ALK: variants seen among roughly 807,000 people sequenced by gnomAD.
The protein encoded by ALK is ALK tyrosine kinase receptor.
ALK carries 74 observed loss-of-function variants against 163.1 expected under a neutral mutation model. That is an observed-to-expected ratio of 0.45 (90% confidence interval 0.38 to 0.55). ALK has a LOEUF of 0.55. ALK is among the 20% of genes least tolerant of loss of function. The probability of loss-of-function intolerance (pLI) is 0.00; values close to 1 mark genes in which losing one functional copy is unlikely to be tolerated. For missense variants in ALK, 2,063 were observed against 2,105.3 expected, an observed-to-expected ratio of 0.98 and a Z score of 0.39; for synonymous variants, 960 against 843.2, an observed-to-expected ratio of 1.14 and a Z score of -2.40.
intron 3 of ALK, among the ~76,000 whole-genome samples, chr2:29,575,287 C>A (rs977778725): frequency 6.6e-6 from 1 of 152,126 alleles, no homozygotes; most frequent in South Asian, 2.1e-4. Flanking sequence ...TTGCTTCTTG[C>A]GAGATTCCAT....
chr2:29,497,021 A>G (rs762652117), intron 4 of ALK, among the ~76,000 whole-genome samples: 10 of 152,230 alleles, frequency 6.6e-5, no homozygotes, highest in Non-Finnish European at 1.3e-4. Flanking sequence ...CTGTAATCCC[A>G]GCACTTTGGG....
intron 4 of ALK, among the ~76,000 whole-genome samples, chr2:29,416,863 T>G (rs1464496706): frequency 6.6e-6 from 1 of 152,092 alleles, no homozygotes; most frequent in Non-Finnish European, 1.5e-5. Context: ...AGACAAAAGC[T>G]TCTTATGTAT....
intron 3 of ALK, among the ~76,000 whole-genome samples, chr2:29,554,777 T>C (rs1673803491): frequency 6.6e-6 from 1 of 152,088 alleles, no homozygotes; most frequent in South Asian, 2.1e-4. Context: ...CAGGATGAGA[T>C]AGGAGGTCAG....
chr2:29,577,831 T>C (rs1333860069), intron 3 of ALK, among the ~76,000 whole-genome samples: 6 of 152,248 alleles, frequency 3.9e-5, no homozygotes, highest in South Asian at 2.1e-4. Context: ...ATGGACACTA[T>C]AAGCCAATTC....
chr2:29,448,123 T>A (rs1231454860), intron 4 of ALK, among the ~76,000 whole-genome samples: 1 of 152,212 alleles, frequency 6.6e-6, no homozygotes, highest in African/African-American at 2.4e-5. Context: ...AGCTATACCA[T>A]ACTGACTTTT....
Position 29,477,916 on chromosome 2 carries a change from G to A in ALK, c.1154+53999C>T, listed in dbSNP as rs1671566031. Among the ~76,000 whole-genome samples the A allele has an allele frequency of 2.0e-5, 3 of 152,212 alleles. No individual in the cohort carries two copies. The South Asian group carries it at 6.2e-4, about 32-fold the overall frequency. On this transcript the variant is annotated intron_variant, in intron 4 of 28. Transcript: ENST00000389048. Reference sequence around the variant, plus strand: ...TGGAGGTGCTGTGTAGGAGCCTATAGGCGAAGCAAGGAAGGCACTTCTGCC... The same window carrying A: ...TGGAGGTGCTGTGTAGGAGCCTATAAGCGAAGCAAGGAAGGCACTTCTGCC...
At chr2:29,840,032 C>A (rs184619451) in intron 1 of ALK, among the ~76,000 whole-genome samples, 1 of 152,308 alleles carries the variant, frequency 6.6e-6, no homozygotes, top group East Asian at 1.9e-4. Context: ...AGCTAGTCTA[C>A]TTAGCAAATC....
At chr2:29,720,396 A>G (rs1448602768) in intron 1 of ALK, among the ~76,000 whole-genome samples, 1 of 152,142 alleles carries the variant, frequency 6.6e-6, no homozygotes, top group Non-Finnish European at 1.5e-5. Context: ...AAAAAAGCAG[A>G]AAGTCTTAAC....
intron 9 of ALK, among the ~76,000 whole-genome samples, chr2:29,276,862 T>C (rs1665560829): frequency 6.6e-6 from 1 of 152,116 alleles, no homozygotes; most frequent in Admixed American, 6.5e-5. Context: ...GACTAGCACC[T>C]AGGCTTTTTT....
At chr2:29,747,857 C>G (rs568293545) in intron 1 of ALK, among the ~76,000 whole-genome samples, 14 of 152,244 alleles carry the variant, frequency 9.2e-5, no homozygotes, top group African/African-American at 2.9e-4. Flanking sequence ...TCAAGCTTTC[C>G]CTTCTAAAGT....
At chr2:29,327,738 G>T (rs547394336) in intron 6 of ALK, among the ~76,000 whole-genome samples, 13 of 152,328 alleles carry the variant, frequency 8.5e-5, no homozygotes, top group African/African-American at 3.1e-4. Flanking sequence ...TTCATAAAAA[G>T]TAATGGCAAT....
intron 1 of ALK, among the ~76,000 whole-genome samples, chr2:29,754,846 T>G (rs1193947503): frequency 6.6e-6 from 1 of 152,172 alleles, no homozygotes; most frequent in Non-Finnish European, 1.5e-5. Context: ...TAAATGAGTT[T>G]CTATTTTTCT....
intron 3 of ALK, among the ~76,000 whole-genome samples, chr2:29,629,270 C>T (rs1395280869): frequency 6.6e-6 from 1 of 152,104 alleles, no homozygotes; most frequent in Admixed American, 6.6e-5. Context: ...AATATTTAAA[C>T]CTTTATTGTA....
At chr2:29,838,797 C>T (rs1665630012) in intron 1 of ALK, among the ~76,000 whole-genome samples, 1 of 152,094 alleles carries the variant, frequency 6.6e-6, no homozygotes, top group Admixed American at 6.6e-5. Context: ...AGGAACCTTT[C>T]TGTGATGATA....
intron 3 of ALK, among the ~76,000 whole-genome samples, chr2:29,537,438 G>A (rs1019978106): frequency 6.6e-6 from 1 of 152,194 alleles, no homozygotes; most frequent in Non-Finnish European, 1.5e-5. Context: ...GATAACATAA[G>A]CCATGCTTCC....
At chr2:29,771,014 CAAATACACACAA>C (rs1259913018) in intron 1 of ALK, among the ~76,000 whole-genome samples, 13 of 151,752 alleles carry the variant, frequency 8.6e-5, no homozygotes, top group African/African-American at 3.2e-4. Flanking sequence ...CACACATACA[CAAATACACACAA>C]ACACAAACAC....
At chr2:29,224,936 G>A (rs1426613895) in intron 19 of ALK, among the ~76,000 whole-genome samples, 1 of 152,222 alleles carries the variant, frequency 6.6e-6, no homozygotes, top group Non-Finnish European at 1.5e-5. Flanking sequence ...AGTAAGAGCT[G>A]GTTGGGACCA....
chr2:29,224,371 C>T (rs1250599739), intron 19 of ALK, among the ~76,000 whole-genome samples: 1 of 152,168 alleles, frequency 6.6e-6, no homozygotes, highest in African/African-American at 2.4e-5. Flanking sequence ...GTAACTCCTG[C>T]CCTGTTTCCC....
At chr2:29,773,613 GA>G (rs1369287792) in intron 1 of ALK, among the ~76,000 whole-genome samples, 1 of 152,102 alleles carries the variant, frequency 6.6e-6, no homozygotes, top group Non-Finnish European at 1.5e-5. Flanking sequence ...ATAACTGACA[GA>G]ATCATTATTT....
Sources: gnomAD v4.1 joint callset for allele counts (sites outside exome capture counted in the v4.1 genomes callset) on GRCh38, gnomAD v4.1.1 for gene constraint, MANE v1.5 for transcripts, NCBI Gene and HGNC (gene_info 2026-07-23, HGNC 2026-07-21) for gene names.